STAC: variants seen among roughly 807,000 people sequenced by gnomAD.
STAC encodes SH3 and cysteine-rich domain-containing protein.
A neutral mutation model predicts 48.8 loss-of-function variants in STAC; 43 were observed. That is an observed-to-expected ratio of 0.88 (90% CI 0.69 to 1.14). STAC has a LOEUF of 1.14. Among genes scored for constraint, STAC ranks in the 50% most tolerant of loss-of-function variants. The pLI is 0.00. For missense variants in STAC, 497 were observed against 504.0 expected (o/e 0.99, Z 0.13); for synonymous variants, 193 against 179.5 (o/e 1.07, Z -0.60).
intron 3 of STAC, among the ~76,000 whole-genome samples, chr3:36,484,407 C>T (rs1203404623): frequency 6.6e-6 from 1 of 152,196 alleles, no homozygotes; most frequent in Non-Finnish European, 1.5e-5. Flanking sequence ...AAACCTCTGC[C>T]TCCCCTGCTT....
chr3:36,427,227 G>T (rs145585861), intron 1 of STAC, among the ~76,000 whole-genome samples: 1 of 152,288 alleles, frequency 6.6e-6, no homozygotes, highest in Non-Finnish European at 1.5e-5. Flanking sequence ...TGCTTTTGGG[G>T]CTATTGTGAC....
rs535769888 is a variant in STAC at position 36,547,163 on chromosome 3, C to G, written c.*874C>G. ...GGGAAGAGACTATCACAAAAAGTCT[C>G]CATTTTCATTTTACATCCTCTCTAT... On this transcript the variant is annotated 3_prime_UTR_variant, in exon 11 of 11. Coordinates refer to ENST00000273183, the MANE Select transcript of STAC (RefSeq NM_003149.3). The G allele has an allele frequency of 7.9e-5, 12 of 152,360 alleles. No homozygotes were observed. The highest frequency in any genetic ancestry group is 3.4e-3 in the Middle Eastern group (1 of 294). 9.4% of individuals were successfully genotyped at this position (152,360 alleles called of 1,614,324 possible). A position where few individuals can be genotyped will look rare whatever the true frequency, so the allele number is the denominator to read the frequency against.
chr3:36,499,522 A>T (rs1462643876), intron 6 of STAC, among the ~76,000 whole-genome samples: 2 of 152,180 alleles, frequency 1.3e-5, no homozygotes, highest in Non-Finnish European at 2.9e-5. Context: ...AAAATCAATC[A>T]ATTCAAAAGA....
intron 1 of STAC, among the ~76,000 whole-genome samples, chr3:36,382,817 G>A (rs1256999983): frequency 6.6e-6 from 1 of 152,124 alleles, no homozygotes; most frequent in African/African-American, 2.4e-5. Context: ...GCTTACTGGC[G>A]TTTACAAGGA....
At chr3:36,433,403 G>C (rs897882413) in intron 1 of STAC, among the ~76,000 whole-genome samples, 1 of 152,178 alleles carries the variant, frequency 6.6e-6, no homozygotes, top group Non-Finnish European at 1.5e-5. Context: ...ACCTAGAACT[G>C]AGGGATGCCA....
intron 1 of STAC, 74 bp downstream of exon 1, chr3:36,380,828 C>T (rs1239256649): frequency 1.6e-6 from 2 of 1,216,864 alleles, no homozygotes; most frequent in Non-Finnish European, 2.3e-6. Flanking sequence ...TGTCTCTCCT[C>T]CTATCTAGCA....
chr3:36,486,089 C>T (rs780008415), intron 4 of STAC, 45 bp from the exon 5 acceptor site: 1 of 1,488,616 alleles, frequency 6.7e-7, no homozygotes, highest in Non-Finnish European at 9.3e-7. Context: ...TTGGCTGGGT[C>T]CTCTCAGATG....
intron 2 of STAC, among the ~76,000 whole-genome samples, chr3:36,481,715 T>C (rs182245310): frequency 4.6e-5 from 7 of 152,344 alleles, no homozygotes; most frequent in African/African-American, 4.8e-5. Flanking sequence ...ACCAACCCTT[T>C]TCCTAACAAT....
At chr3:36,482,702 G>C (rs1697684882) in intron 2 of STAC, among the ~76,000 whole-genome samples, 1 of 152,168 alleles carries the variant, frequency 6.6e-6, no homozygotes, top group Non-Finnish European at 1.5e-5. Flanking sequence ...GAAAAGCAAA[G>C]AAAATGGAAT....
At chr3:36,404,366 C>T (rs971243401) in intron 1 of STAC, among the ~76,000 whole-genome samples, 3 of 152,064 alleles carry the variant, frequency 2.0e-5, no homozygotes, top group South Asian at 2.1e-4. Flanking sequence ...ATTCTCTTCC[C>T]GTGTAGTATT....
rs758135966 is a variant in STAC, at chr3:36,528,982, T to A, written c.1107T>A (p.Asn369Lys). 6.2e-7 allele frequency: 1 copy of A among 1,602,282 alleles called. No homozygotes were observed. Among genetic ancestry groups the A allele is most frequent in the East Asian group, 2.2e-5 (1 of 44,584 alleles). Residue 369 changes from asparagine to lysine, a missense_variant, in exon 10 of 11, where the codon AAT becomes AAA. Asn to Lys is a moderately conservative substitution (Grantham distance 94). Transcript: ENST00000273183. ...KEQGQITLKE[N>K]QICVSSEEEQ... The stretch of plus-strand genomic sequence containing the variant: ...AGGGGCAGATAACACTGAAAGAGAA[T>A]CAGGTGAGTAAACCACACAAACACA...
intron 1 of STAC, among the ~76,000 whole-genome samples, chr3:36,398,357 A>G (rs1228933269): frequency 6.4e-5 from 9 of 141,384 alleles, no homozygotes; most frequent in African/African-American, 1.6e-4. Flanking sequence ...GAAAGAAAGA[A>G]AGAAAGAAAG....
intron 2 of STAC, among the ~76,000 whole-genome samples, chr3:36,464,679 T>A (rs58689959): frequency 0.032 from 4,799 of 152,250 alleles, 228 homozygotes; most frequent in African/African-American, 0.11. Flanking sequence ...ATTAGTGAGA[T>A]CATATGATGT....
intron 8 of STAC, chr3:36,506,225 C>T (rs1424518774): frequency 6.3e-6 from 1 of 159,908 alleles, no homozygotes; most frequent in Non-Finnish European, 1.4e-5. Context: ...TATATTTAAT[C>T]AAATATCAGA....
chr3:36,543,849 A>G (rs1038904964), intron 10 of STAC, among the ~76,000 whole-genome samples: 2 of 152,148 alleles, frequency 1.3e-5, no homozygotes, highest in African/African-American at 4.8e-5. Flanking sequence ...ACTCTTCCAC[A>G]TTACCACAAT....
At chr3:36,449,762 T>C (rs1696628326) in intron 2 of STAC, among the ~76,000 whole-genome samples, 1 of 152,114 alleles carries the variant, frequency 6.6e-6, no homozygotes, top group South Asian at 2.1e-4. Flanking sequence ...CAAACAGAAA[T>C]GGAAGTGACA....
intron 2 of STAC, among the ~76,000 whole-genome samples, chr3:36,477,727 A>G (rs1378471157): frequency 6.6e-6 from 1 of 152,178 alleles, no homozygotes; most frequent in African/African-American, 2.4e-5. Context: ...CTATTTGAAC[A>G]TCGTGACTAA....
intron 1 of STAC, among the ~76,000 whole-genome samples, chr3:36,435,631 T>C (rs904805453): frequency 2.0e-5 from 3 of 152,192 alleles, no homozygotes; most frequent in African/African-American, 7.2e-5. Flanking sequence ...TCATTACCTC[T>C]GCTCACTTTT....
rs1346388412 is a variant in STAC at position 36,546,258 on chromosome 3, T to G, written c.1178T>G (p.Leu393Arg). The G allele has an allele frequency of 5.0e-6, 8 of 1,613,934 alleles. No individual in the cohort carries two copies. Among genetic ancestry groups the G allele is most frequent in the African/African-American group, 1.3e-5 (1 of 74,908 alleles). ...IRVLSGKKKG[L>R]IPLDVLENI ...GTCCTCAGTGGAAAAAAGAAAGGCC[T>G]CATCCCCCTTGATGTACTAGAAAAC... Residue 393 changes from leucine (L) to arginine (R), a missense_variant, in exon 11 of 11, where the codon CTC becomes CGC. Physicochemically the swap from Leu to Arg is moderately radical, Grantham distance 102. Coordinates refer to ENST00000273183, the MANE Select transcript of STAC (RefSeq NM_003149.3).
Sources: gnomAD v4.1 joint callset for allele counts (sites outside exome capture counted in the v4.1 genomes callset) on GRCh38, gnomAD v4.1.1 for gene constraint, MANE v1.5 for transcripts, NCBI Gene and HGNC (gene_info 2026-07-23, HGNC 2026-07-21) for gene names.